Variants in DTNA observed in about 807,000 individuals in gnomAD.
DTNA encodes the protein dystrophin-related protein 3.
DTNA carries 43 observed loss-of-function variants against 100.7 expected under a neutral mutation model. The observed-to-expected ratio is 0.43, with a 90% CI of 0.33 to 0.55. DTNA has a LOEUF of 0.55. Among genes scored for constraint, DTNA ranks in the 20% least tolerant of loss-of-function variants. The pLI is 0.04. For missense variants in DTNA, 798 were observed against 953.9 expected (o/e 0.84, Z 2.15); for synonymous variants, 349 against 347.9 (o/e 1.00, Z -0.04).
intron 7 of DTNA, chr18:34,817,912 G>A: frequency 7.7e-7 from 1 of 1,306,642 alleles, no homozygotes; most frequent in African/African-American, 1.5e-5. Context: ...AAGAGCAAAT[G>A]GCATTACAGA....
intron 1 of DTNA, among the ~76,000 whole-genome samples, chr18:34,649,732 C>G (rs1355817104): frequency 6.6e-6 from 1 of 151,962 alleles, no homozygotes; most frequent in Non-Finnish European, 1.5e-5. Flanking sequence ...TTTTTGATAT[C>G]TACTCCAGAT....
intron 11 of DTNA, among the ~76,000 whole-genome samples, chr18:34,833,598 A>G (rs888810470): frequency 5.3e-5 from 8 of 152,188 alleles, no homozygotes; most frequent in Non-Finnish European, 1.2e-4. Flanking sequence ...AAAATTTACC[A>G]TGCCATGCCC....
intron 1 of DTNA, among the ~76,000 whole-genome samples, chr18:34,595,944 G>T (rs1257678934): frequency 6.6e-6 from 1 of 152,202 alleles, no homozygotes; most frequent in Non-Finnish European, 1.5e-5. Context: ...CCCTAAAGGA[G>T]AGTATGACCT....
At chr18:34,630,740 T>C (rs2148098112) in intron 1 of DTNA, among the ~76,000 whole-genome samples, 1 of 152,208 alleles carries the variant, frequency 6.6e-6, no homozygotes, top group East Asian at 1.9e-4. Flanking sequence ...AATTGGATTG[T>C]AGCTCTGTTC....
At chr18:34,881,852 T>TAA (rs35635435) in intron 20 of DTNA, among the ~76,000 whole-genome samples, 1 of 151,914 alleles carries the variant, frequency 6.6e-6, no homozygotes, top group African/African-American at 2.4e-5. Flanking sequence ...GCAACTGCCA[T>TAA]AAAAAAATTG....
At chr18:34,638,199 A>T (rs2058860665) in intron 1 of DTNA, among the ~76,000 whole-genome samples, 1 of 152,206 alleles carries the variant, frequency 6.6e-6, no homozygotes, top group African/African-American at 2.4e-5. Flanking sequence ...TGAACACTTT[A>T]TTCTCTTAGG....
intron 17 of DTNA, among the ~76,000 whole-genome samples, chr18:34,871,413 G>A (rs1227403629): frequency 6.6e-6 from 1 of 152,154 alleles, no homozygotes; most frequent in Non-Finnish European, 1.5e-5. Context: ...TGTGATATAT[G>A]TTTTCCTTCT....
intron 10 of DTNA, chr18:34,829,095 C>T (rs2095935551): frequency 6.2e-7 from 1 of 1,614,056 alleles, no homozygotes; most frequent in South Asian, 1.1e-5. Flanking sequence ...CTTCTTCTAC[C>T]CTAAAATATT....
At chr18:34,525,926 G>A (rs866167405) in intron 1 of DTNA, among the ~76,000 whole-genome samples, 1 of 152,142 alleles carries the variant, frequency 6.6e-6, no homozygotes, top group Non-Finnish European at 1.5e-5. Context: ...CTGAAACGGG[G>A]CTCAAGTCCC....
rs2092751367 is a variant in DTNA at position 34,756,117 on chromosome 18, T to C, written c.67+74T>C. 2.7e-6 allele frequency: 4 copies of C among 1,494,012 alleles called. No homozygotes were observed. In the Admixed American group the frequency reaches 6.9e-5, roughly 26 times the overall value. The allele number at this position is 1,494,012 out of a possible 1,614,324, so 92.5% of individuals were successfully genotyped here. ...CATGGAAAGGCTAGAAATAACCATT[T>C]ATCTTTATGATATTTGTACTTTTCC... is the stretch of plus-strand genomic sequence containing the variant. On this transcript the variant is annotated intron_variant, in intron 2 of 22. Coordinates refer to ENST00000444659, the MANE Select transcript of DTNA (RefSeq NM_001386795.1).
At chr18:34,548,887 AG>A (rs2045089020) in intron 1 of DTNA, among the ~76,000 whole-genome samples, 1 of 152,136 alleles carries the variant, frequency 6.6e-6, no homozygotes, top group Admixed American at 6.6e-5. Flanking sequence ...GCCACTGGCC[AG>A]GAAACAGGAA....
intron 13 of DTNA, among the ~76,000 whole-genome samples, chr18:34,841,468 T>C (rs1443494619): frequency 1.3e-5 from 2 of 152,214 alleles, no homozygotes; most frequent in Non-Finnish European, 2.9e-5. Flanking sequence ...CTCATGTTAA[T>C]TGTAAGCTTC....
At chr18:34,866,183 G>C (rs374013340) in intron 17 of DTNA, 2 of 1,613,988 alleles carry the variant, frequency 1.2e-6, no homozygotes, top group Non-Finnish European at 1.7e-6. Context: ...GGGGCCTGCC[G>C]ACCTGCGGTT....
At chr18:34,642,368 A>T (rs1303350501) in intron 1 of DTNA, among the ~76,000 whole-genome samples, 5 of 152,172 alleles carry the variant, frequency 3.3e-5, no homozygotes. Context: ...CACTGATTTG[A>T]GGAAGAGTAC....
intron 1 of DTNA, among the ~76,000 whole-genome samples, chr18:34,534,376 T>C (rs1039855921): frequency 6.6e-6 from 1 of 152,094 alleles, no homozygotes; most frequent in Non-Finnish European, 1.5e-5. Context: ...TAAAATACTT[T>C]GAAAGGTTTA....
chr18:34,594,725 T>G (rs921994009), intron 1 of DTNA, among the ~76,000 whole-genome samples: 1 of 152,238 alleles, frequency 6.6e-6, no homozygotes, highest in Admixed American at 6.5e-5. Context: ...TTACAACTAC[T>G]GAGTAATCTA....
In DTNA at chr18:34,556,300, C is replaced by T. The variant is rs576606183; in HGVS notation, c.-2+62786C>T. Among the ~76,000 whole-genome samples, 58 of 152,270 alleles carry T rather than the reference C, an allele frequency of 3.8e-4. No individual in the cohort carries two copies. The South Asian group carries it at 6.0e-3, about 16-fold the overall frequency. Reference sequence around the variant, plus strand: ...AGATGGGTTTCCTGAATACAGCACACTGATGGGTCTTGACTCTTTCTCCAA... The same window carrying T: ...AGATGGGTTTCCTGAATACAGCACATTGATGGGTCTTGACTCTTTCTCCAA... On this transcript the variant is annotated intron_variant, in intron 1 of 19. Coordinates refer to the DTNA transcript ENST00000283365.
Position 34,705,157 on chromosome 18 carries a change from C to T in DTNA, c.-1-50819C>T, listed in dbSNP as rs562586263. ...TAACTTGATGAGCACCCTGACCCTT[C>T]AGCTCTTTTGGAATTTTTCCATTTT... On this transcript the variant is annotated intron_variant, in intron 1 of 19. Coordinates refer to the DTNA transcript ENST00000283365. 2.9e-3 allele frequency among the ~76,000 whole-genome samples: 442 copies of T among 152,304 alleles called. 2 individuals carry two copies. Among genetic ancestry groups the T allele is most frequent in the African/African-American group, 0.01 (416 of 41,562 alleles).
Position 34,665,358 on chromosome 18 carries a change from C to A in DTNA, c.-1-90618C>A, listed in dbSNP as rs140464172. Among the ~76,000 whole-genome samples the A allele has an allele frequency of 3.2e-4, 49 of 152,126 alleles. No homozygotes were observed. In the East Asian group the frequency reaches 7.1e-3, roughly 22 times the overall value. On this transcript the variant is annotated intron_variant, in intron 1 of 19. Transcript: ENST00000283365. ...TCCAAATAACTGCTACATTTGTATACAAATTTTTTATGAAAACAAGATTTA... is the reference window on the plus strand; with the variant it reads ...TCCAAATAACTGCTACATTTGTATAAAAATTTTTTATGAAAACAAGATTTA...
Sources: gnomAD v4.1 joint callset for allele counts (sites outside exome capture counted in the v4.1 genomes callset) on GRCh38, gnomAD v4.1.1 for gene constraint, MANE v1.5 for transcripts, NCBI Gene and HGNC (gene_info 2026-07-23, HGNC 2026-07-21) for gene names.